The following CLEC5A variants were observed in gnomAD, a reference collection of about 807,000 sequenced individuals.
The protein encoded by CLEC5A is C-type lectin domain family 5 member A.
In CLEC5A, 15 loss-of-function variants were observed where a neutral mutation model predicts 24.4. The observed-to-expected ratio is 0.62, with a 90% CI of 0.41 to 0.95. The LOEUF (loss-of-function observed/expected upper bound fraction) is 0.95, where lower values mean the gene tolerates loss of function less well. CLEC5A is among the 40% of genes least tolerant of loss of function. CLEC5A has a pLI of 0.00. For missense variants in CLEC5A, 211 were observed against 224.0 expected, an observed-to-expected ratio of 0.94 and a Z score of 0.37; for synonymous variants, 71 against 72.6, an observed-to-expected ratio of 0.98 and a Z score of 0.11.
intron 4 of CLEC5A, among the ~76,000 whole-genome samples, chr7:141,938,452 A>G (rs1361932208): frequency 4.0e-5 from 6 of 150,900 alleles, no homozygotes; most frequent in Non-Finnish European, 8.8e-5. Context: ...AAAAGAAAAA[A>G]GAATAAGAAA....
intron 4 of CLEC5A, among the ~76,000 whole-genome samples, chr7:141,939,343 G>A (rs1258040053): frequency 6.6e-6 from 1 of 152,050 alleles, no homozygotes; most frequent in Non-Finnish European, 1.5e-5. Context: ...AATGCAAGCA[G>A]AGTTAAGTTG....
intron 6 of CLEC5A, chr7:141,931,502 A>G (rs1422519047): frequency 7.5e-6 from 4 of 530,204 alleles, no homozygotes; most frequent in Middle Eastern, 3.1e-4. Flanking sequence ...AATTTGCTAT[A>G]TGAATACTCT....
At chr7:141,930,750 CAT>C (rs554571499) in intron 6 of CLEC5A, among the ~76,000 whole-genome samples, 27 of 152,262 alleles carry the variant, frequency 1.8e-4, no homozygotes, top group Admixed American at 7.8e-4. Context: ...GGAGAAATGT[CAT>C]GTGTTTGGGA....
chr7:141,933,923 G>A (rs1293312217), intron 5 of CLEC5A, among the ~76,000 whole-genome samples: 3 of 152,162 alleles, frequency 2.0e-5, no homozygotes, highest in African/African-American at 7.2e-5. Context: ...AGCGGCTGGA[G>A]CAAGCAGCTG....
rs2128959923 is a variant in CLEC5A, at chr7:141,929,884, C to T, written c.*220G>A. ...AATGCTCAGTACTACAGAAGCGGAC[C>T]TCATCTCTATACTAACTGAGTTGTT... On this transcript the variant is annotated 3_prime_UTR_variant, in exon 7 of 7. Transcript: ENST00000546910. The T allele has an allele frequency of 3.9e-6, 2 of 511,648 alleles. No individual in the cohort carries two copies. Among genetic ancestry groups the T allele is most frequent in the South Asian group, 4.7e-5 (2 of 42,808 alleles). 31.7% of individuals were successfully genotyped at this position (511,648 alleles called of 1,614,324 possible).
intron 4 of CLEC5A, chr7:141,936,348 C>T (rs138543206): frequency 3.1e-4 from 81 of 258,652 alleles, no homozygotes; most frequent in African/African-American, 1.7e-3. Flanking sequence ...CCACCCTATC[C>T]CTGCTGCAGT....
In CLEC5A at chr7:141,945,385, T is replaced by C. The variant is rs781933361; in HGVS notation, c.95A>G (p.Asn32Ser). Residue 32 changes from asparagine to serine, a missense_variant, in exon 3 of 7, where the codon AAC (asparagine) becomes AGC (serine). Asn to Ser is a conservative substitution (Grantham distance 46, BLOSUM62 1). Coordinates refer to ENST00000546910, the MANE Select transcript of CLEC5A (RefSeq NM_013252.3). ...LFLLYFPQIF[N>S]KSNDGFTTTR... ...GGTGGTGAAACCATCGTTACTTTTGTTAAAAATCTGTGGGACTGAAAAGAA... is the reference window on the plus strand; with the variant it reads ...GGTGGTGAAACCATCGTTACTTTTGCTAAAAATCTGTGGGACTGAAAAGAA... 82 of 1,612,946 alleles carry C rather than the reference T, an allele frequency of 5.1e-5. No homozygotes were observed. The South Asian group carries it at 7.9e-4, about 16-fold the overall frequency.
intron 5 of CLEC5A, 23 bp from the exon 6 acceptor site, chr7:141,931,849 AC>A (rs1306657748): frequency 8.7e-7 from 1 of 1,149,830 alleles, no homozygotes; most frequent in African/African-American, 1.6e-5. Context: ...AAAAAATTTT[AC>A]CAGTGAGTCT....
At chr7:141,936,231 A>G (rs1309339880) in intron 4 of CLEC5A, 1 of 415,662 alleles carries the variant, frequency 2.4e-6, no homozygotes, top group Non-Finnish European at 4.4e-6. Context: ...AAAAAAGCAC[A>G]TATACATACA....
At chr7:141,931,094 CAG>C (rs1280610522) in intron 6 of CLEC5A, among the ~76,000 whole-genome samples, 1 of 152,128 alleles carries the variant, frequency 6.6e-6, no homozygotes, top group Non-Finnish European at 1.5e-5. Flanking sequence ...TCTTGGGGGT[CAG>C]AAGTTCATAG....
intron 2 of CLEC5A, among the ~76,000 whole-genome samples, 197 bp from the exon 3 acceptor site, chr7:141,945,597 A>G (rs1323824812): frequency 2.7e-5 from 4 of 150,880 alleles, no homozygotes; most frequent in Non-Finnish European, 4.4e-5. Context: ...GCTGTCTGAC[A>G]TGATAGGAAT....
In CLEC5A at chr7:141,943,945, G is replaced by T; in HGVS notation, c.159C>A (p.Ser53Arg). 6.2e-7 allele frequency: 1 copy of T among 1,609,448 alleles called. No homozygotes were observed. Among genetic ancestry groups the T allele is most frequent in the Non-Finnish European group, 8.5e-7 (1 of 1,176,112 alleles). ...TGAAGCCGTTGGGACTTGGGGAACT[G>T]CTCCCAAAAATCTGTGAGACTAAAG... is the stretch of plus-strand genomic sequence containing the variant. ...SYGTVSQIFG[S>R]SSPSPNGFIT... The change falls in exon 4 of 7, where the codon AGC becomes AGA. Residue 53 changes from serine to arginine, a missense_variant. Transcript: ENST00000546910.
intron 3 of CLEC5A, 97 bp from the exon 4 acceptor site, chr7:141,944,061 A>C: frequency 1.3e-6 from 1 of 780,936 alleles, no homozygotes; most frequent in Admixed American, 1.8e-5. Flanking sequence ...AATCATGGAG[A>C]TGACAAGAAG....
In CLEC5A at chr7:141,930,065, A is replaced by G; in HGVS notation, c.*39T>C. The G allele has an allele frequency of 1.3e-6, 2 of 1,504,484 alleles. No individual in the cohort carries two copies. 93.2% of individuals were successfully genotyped at this position (1,504,484 alleles called of 1,614,324 possible). On this transcript the variant is annotated 3_prime_UTR_variant, in exon 7 of 7. Coordinates refer to ENST00000546910, the MANE Select transcript of CLEC5A (RefSeq NM_013252.3). ...GCCAGACGACCTGTATGGATTCAAAAAGAGTTGCAAGTATAGTTCTTGTCA... is the reference window on the plus strand; with the variant it reads ...GCCAGACGACCTGTATGGATTCAAAGAGAGTTGCAAGTATAGTTCTTGTCA...
In CLEC5A at chr7:141,931,810, A is replaced by G. The variant is rs1554440427; in HGVS notation, c.362T>C (p.Ile121Thr). ...TPEKLKFLQD[I>T]TDAEKYFIGL... is the part of the protein sequence containing the mutation. ...AATAAAATACTTCTCAGCATCAGTTATGTCCTGAAGAAACTTCTGGAAATA... is the reference window on the plus strand; with the variant it reads ...AATAAAATACTTCTCAGCATCAGTTGTGTCCTGAAGAAACTTCTGGAAATA... Residue 121 changes from isoleucine (I) to threonine (T), a missense_variant, in exon 6 of 7, where the codon ATA becomes ACA. Physicochemically the swap from Ile to Thr is moderately conservative, Grantham distance 89 (BLOSUM62 -1). Coordinates refer to ENST00000546910, the MANE Select transcript of CLEC5A (RefSeq NM_013252.3). 1.3e-6 allele frequency: 2 copies of G among 1,581,260 alleles called. No homozygotes were observed. The highest frequency in any genetic ancestry group is 2.2e-5 in the East Asian group (1 of 44,708).
rs1322922289 is a variant in CLEC5A at position 141,927,444 on chromosome 7, A to G, written c.*2660T>C. ...ACGAAAGGACAATAAAGGGAGAAGG[A>G]TGAAGGCCAGATGGAGATTGCATCA... On this transcript the variant is annotated 3_prime_UTR_variant, in exon 7 of 7. Transcript: ENST00000546910. 3 of 152,250 alleles carry G rather than the reference A, an allele frequency of 2.0e-5. No individual in the cohort carries two copies. The highest frequency in any genetic ancestry group is 4.4e-5 in the Non-Finnish European group (3 of 68,058). The allele number at this position is 152,250 out of a possible 1,614,324, so 9.4% of individuals were successfully genotyped here.
In CLEC5A at chr7:141,929,165, G is replaced by A. The variant is rs901439999; in HGVS notation, c.*939C>T. The A allele has an allele frequency of 4.6e-5, 7 of 152,276 alleles. No homozygotes were observed. Among genetic ancestry groups the A allele is most frequent in the African/African-American group, 1.4e-4 (6 of 41,438 alleles). The allele number at this position is 152,276 out of a possible 1,614,324, so 9.4% of individuals were successfully genotyped here. A position where few individuals can be genotyped will look rare whatever the true frequency, so the allele number is the denominator to read the frequency against. ...TCGGCTGGACCAGTTCTAGATCAAT[G>A]TGATGCCAATCAGTGCCAGGCTCCT... On this transcript the variant is annotated 3_prime_UTR_variant, in exon 7 of 7. Transcript: ENST00000546910.
In CLEC5A at chr7:141,935,863, C is replaced by T. The variant is rs888842681; in HGVS notation, c.296G>A (p.Cys99Tyr). The T allele has an allele frequency of 1.9e-6, 3 of 1,613,846 alleles. No homozygotes were observed. Among genetic ancestry groups the T allele is most frequent in the South Asian group, 2.2e-5 (2 of 91,082 alleles). The change falls in exon 5 of 7, where the codon TGC becomes TAC. Residue 99 changes from cysteine to tyrosine, a missense_variant. Coordinates refer to ENST00000546910, the MANE Select transcript of CLEC5A (RefSeq NM_013252.3). ...TGCCAATGTGGATCCTTTTCCTTTGCAAAAGTCCCTGCTTTCATTCCAAGA... is the reference window on the plus strand; with the variant it reads ...TGCCAATGTGGATCCTTTTCCTTTGTAAAAGTCCCTGCTTTCATTCCAAGA... ...ESSWNESRDF[C>Y]KGKGSTLAIV...
At chr7:141,938,125 C>T (rs1174667124) in intron 4 of CLEC5A, among the ~76,000 whole-genome samples, 1 of 152,100 alleles carries the variant, frequency 6.6e-6, no homozygotes, top group African/African-American at 2.4e-5. Flanking sequence ...GATGAACATC[C>T]ACAAGTATCA....
Sources: allele counts gnomAD v4.1 joint callset (sites outside exome capture counted in the v4.1 genomes callset), GRCh38; gene constraint gnomAD v4.1.1; transcripts MANE v1.5; gene names NCBI Gene and HGNC (gene_info 2026-07-23, HGNC 2026-07-21).